NUDT5: variants seen among roughly 807,000 people sequenced by gnomAD.
NUDT5 encodes nudix hydrolase 5.
In NUDT5, 21 loss-of-function variants were observed where a neutral mutation model predicts 34.1. The ratio of observed to expected loss-of-function variants is 0.62; its 90% CI spans 0.44 to 0.89. NUDT5 has a LOEUF of 0.89. NUDT5 is among the 40% of genes least tolerant of loss of function. NUDT5 has a pLI of 0.00. For synonymous variants in NUDT5, 85 were observed against 97.6 expected (o/e 0.87, Z 0.76); for missense variants, 249 against 274.8 (o/e 0.91, Z 0.66).
At position 12,170,449 on chromosome 10, in the gene NUDT5, C is replaced by A; in HGVS notation, c.550+268G>T. 1 of 615,516 alleles carries A rather than the reference C, an allele frequency of 1.6e-6. No homozygotes were observed. Among genetic ancestry groups the A allele is most frequent in the Non-Finnish European group, 2.9e-6 (1 of 350,112 alleles). 38.1% of individuals were successfully genotyped at this position (615,516 alleles called of 1,614,324 possible). A position where few individuals can be genotyped will look rare whatever the true frequency, so the allele number is the denominator to read the frequency against. On this transcript the variant is annotated intron_variant, in intron 9 of 9. Transcript: ENST00000491614. The surrounding 1 kb of genome is among the most constrained non-coding windows in gnomAD (Gnocchi z 4.9). The stretch of plus-strand genomic sequence containing the variant: ...GTGTAGAATCGTTTTGGCTACTCAG[C>A]AGGAATGTCATCTGGGCCATTCTGT...
At chr10:12,180,782 A>G (rs929789962) in intron 3 of NUDT5, among the ~76,000 whole-genome samples, 2 of 151,514 alleles carry the variant, frequency 1.3e-5, no homozygotes, top group African/African-American at 4.9e-5. Flanking sequence ...TTTCTCCAAA[A>G]CCTCTTCTAG....
chr10:12,183,020 A>T (rs1010965661), intron 3 of NUDT5, among the ~76,000 whole-genome samples: 1 of 152,256 alleles, frequency 6.6e-6, no homozygotes, highest in Non-Finnish European at 1.5e-5. Flanking sequence ...TACAGGCGTG[A>T]GCCACTGCGC....
intron 4 of NUDT5, among the ~76,000 whole-genome samples, chr10:12,178,159 A>C (rs1007866691): frequency 2.6e-5 from 4 of 152,042 alleles, no homozygotes; most frequent in African/African-American, 9.7e-5. Context: ...AAAACGAAAC[A>C]TTTCCTACAG....
rs1834905404 is a variant in NUDT5 at position 12,173,959 on chromosome 10, C to A, written c.290-146G>T. ...TCGGCCCACTGCAACCTCCGCCCGT[C>A]CAGGTTTAAGCAATTCTCTGCTTCA... is the stretch of plus-strand genomic sequence containing the variant. On this transcript the variant is annotated intron_variant, in intron 5 of 9. Transcript: ENST00000491614. The surrounding 1 kb of genome is among the most constrained non-coding windows in gnomAD (Gnocchi z 4.7). 1.6e-6 allele frequency: 1 copy of A among 636,570 alleles called. No individual in the cohort carries two copies. The highest frequency in any genetic ancestry group is 1.8e-5 in the African/African-American group (1 of 54,868). The allele number at this position is 636,570 out of a possible 1,614,324, so 39.4% of individuals were successfully genotyped here.
Position 12,169,543 on chromosome 10 carries a change from C to T in NUDT5, c.550+1174G>A, listed in dbSNP as rs377344011. 2.1e-6 allele frequency: 1 copy of T among 476,684 alleles called. No homozygotes were observed. The highest frequency in any genetic ancestry group is 3.2e-5 in the South Asian group (1 of 30,804). 29.5% of individuals were successfully genotyped at this position (476,684 alleles called of 1,614,324 possible). A position where few individuals can be genotyped will look rare whatever the true frequency, so the allele number is the denominator to read the frequency against. On this transcript the variant is annotated intron_variant, in intron 9 of 9. Transcript: ENST00000491614. This position sits in a 1 kb window ranked among gnomAD's most constrained non-coding sequence, Gnocchi z 4.8. ...CGCTGCCTCGTATTGATTGTCATGC[C>T]TTTCTCCAAATACGCACCAGATAAA...
chr10:12,174,033 AT>A (rs1226477552), intron 5 of NUDT5, among the ~76,000 whole-genome samples: 1 of 151,808 alleles, frequency 6.6e-6, no homozygotes, highest in Non-Finnish European at 1.5e-5. Flanking sequence ...CGCCCAGCTA[AT>A]TTTTTGTATT....
At chr10:12,176,379 G>A (rs1834950306) in intron 5 of NUDT5, among the ~76,000 whole-genome samples, 1 of 151,950 alleles carries the variant, frequency 6.6e-6, no homozygotes, top group Non-Finnish European at 1.5e-5. Flanking sequence ...CAAGGTGGGT[G>A]GATCACCTGA....
chr10:12,181,091 C>T lies in NUDT5; in HGVS notation c.132-1959G>A, dbSNP rs1231914808. Among the ~76,000 whole-genome samples the T allele has an allele frequency of 1.3e-5, 2 of 152,166 alleles. No individual in the cohort carries two copies. Among genetic ancestry groups the T allele is most frequent in the Non-Finnish European group, 2.9e-5 (2 of 68,028 alleles). Reference sequence around the variant, plus strand: ...TGGGTTCTGCATTCATGGATTCAACCAACCACCCATTGAAAATATTTAGGA... The same window carrying T: ...TGGGTTCTGCATTCATGGATTCAACTAACCACCCATTGAAAATATTTAGGA... On this transcript the variant is annotated intron_variant, in intron 3 of 9. Transcript: ENST00000491614. This position sits in a 1 kb window ranked among gnomAD's most constrained non-coding sequence, Gnocchi z 5.0.
Position 12,182,133 on chromosome 10 carries a change from TAAA to T in NUDT5, c.131+2753_131+2755del, listed in dbSNP as rs60807905. On this transcript the variant is annotated intron_variant, in intron 3 of 9. Transcript: ENST00000491614. The surrounding 1 kb of genome is among the most constrained non-coding windows in gnomAD (Gnocchi z 4.3). ...AACAGAACAAGACTCTGTCTCAGGGTAAAAAAAAAAAAAAAGAAGGATATAGCT... is the reference window on the plus strand; with the variant it reads ...AACAGAACAAGACTCTGTCTCAGGGTAAAAAAAAAAAAGAAGGATATAGCT... Among the ~76,000 whole-genome samples the T allele has an allele frequency of 6.3e-5, 8 of 126,398 alleles. No homozygotes were observed. The highest frequency in any genetic ancestry group is 7.7e-5 in the Admixed American group (1 of 12,930). The allele number at this position is 126,398 out of a possible 152,430, so 82.9% of individuals were successfully genotyped here.
Position 12,170,828 on chromosome 10 carries a change from C to A in NUDT5, c.497-58G>T. The A allele has an allele frequency of 6.2e-7, 1 of 1,613,154 alleles. No homozygotes were observed. Among genetic ancestry groups the A allele is most frequent in the Non-Finnish European group, 8.5e-7 (1 of 1,179,132 alleles). Reference sequence around the variant, plus strand: ...TAACGTCAAGAGCCTACCAAAACAACCCAAAATGTCTGCAGCCATCACCAC... The same window carrying A: ...TAACGTCAAGAGCCTACCAAAACAAACCAAAATGTCTGCAGCCATCACCAC... On this transcript the variant is annotated intron_variant, in intron 8 of 9. Coordinates refer to ENST00000491614, the MANE Select transcript of NUDT5 (RefSeq NM_014142.4). The surrounding 1 kb of genome is among the most constrained non-coding windows in gnomAD (Gnocchi z 4.9).
chr10:12,191,788 G>C (rs945804147), intron 1 of NUDT5, among the ~76,000 whole-genome samples: 1 of 152,210 alleles, frequency 6.6e-6, no homozygotes. Context: ...GCCCTCTACA[G>C]AAAGGGAGGA....
At chr10:12,190,561 G>A (rs954708946) in intron 1 of NUDT5, among the ~76,000 whole-genome samples, 4 of 151,610 alleles carry the variant, frequency 2.6e-5, no homozygotes, top group Non-Finnish European at 5.9e-5. Flanking sequence ...TTTAAAGGAG[G>A]GACACACACA....
intron 3 of NUDT5, among the ~76,000 whole-genome samples, chr10:12,183,276 C>T (rs535409671): frequency 1.3e-5 from 2 of 152,328 alleles, no homozygotes; most frequent in East Asian, 3.8e-4. Context: ...ATCAAACTCA[C>T]TTGGCATCTT....
intron 4 of NUDT5, among the ~76,000 whole-genome samples, chr10:12,178,196 C>T (rs1020300637): frequency 6.6e-6 from 1 of 152,164 alleles, no homozygotes; most frequent in African/African-American, 2.4e-5. Flanking sequence ...TTTCTGACTA[C>T]ACTGACCTTC....
At chr10:12,176,100 G>GACCA (rs1834945569) in intron 5 of NUDT5, among the ~76,000 whole-genome samples, 1 of 151,718 alleles carries the variant, frequency 6.6e-6, no homozygotes, top group Non-Finnish European at 1.5e-5. Flanking sequence ...AGGAGGCTGA[G>GACCA]GCAGGAGAAT....
intron 3 of NUDT5, among the ~76,000 whole-genome samples, chr10:12,179,798 A>C (rs1057375062): frequency 6.6e-6 from 1 of 152,188 alleles, no homozygotes; most frequent in Non-Finnish European, 1.5e-5. Context: ...CTTTTGGGTA[A>C]CATCTGTGCT....
In NUDT5 at chr10:12,169,182, C is replaced by T; in HGVS notation, c.551-1371G>A. The T allele has an allele frequency of 1.1e-6, 1 of 910,110 alleles. No homozygotes were observed. The highest frequency in any genetic ancestry group is 1.7e-5 in the South Asian group (1 of 57,732). The allele number at this position is 910,110 out of a possible 1,614,324, so 56.4% of individuals were successfully genotyped here. A position where few individuals can be genotyped will look rare whatever the true frequency, so the allele number is the denominator to read the frequency against. On this transcript the variant is annotated intron_variant, in intron 9 of 9. Coordinates refer to ENST00000491614, the MANE Select transcript of NUDT5 (RefSeq NM_014142.4). The surrounding 1 kb of genome is among the most constrained non-coding windows in gnomAD (Gnocchi z 4.8). ...AAGCTAGGCAACTTGGTTCTTTTAC[C>T]CCTCCTCCTTTATAGCCATAGTAGC...
intron 9 of NUDT5, 172 bp from the exon 10 acceptor site, chr10:12,167,983 C>A: frequency 8.1e-7 from 1 of 1,227,570 alleles, no homozygotes; most frequent in Non-Finnish European, 1.1e-6. Context: ...ACTATAAAGG[C>A]AAGATTACAT....
Position 12,167,826 on chromosome 10 carries a change from G to C in NUDT5, c.551-15C>G, listed in dbSNP as rs373328654. 1 of 1,612,894 alleles carries C rather than the reference G, an allele frequency of 6.2e-7. No homozygotes were observed. Among genetic ancestry groups the C allele is most frequent in the African/African-American group, 1.3e-5 (1 of 74,878 alleles). ...AGCTACCAGAGCTGTGGAAAGCAAA[G>C]AAAACAACTTAGATCATGCCGTTAA... On this transcript the variant is annotated splice_polypyrimidine_tract_variant and intron_variant, in intron 9 of 9. Coordinates refer to ENST00000491614, the MANE Select transcript of NUDT5 (RefSeq NM_014142.4).
Sources: allele counts gnomAD v4.1 joint callset (sites outside exome capture counted in the v4.1 genomes callset), GRCh38; gene constraint gnomAD v4.1.1; non-coding constraint Gnocchi (gnomAD v3.1); transcripts MANE v1.5; gene names NCBI Gene and HGNC (gene_info 2026-07-23, HGNC 2026-07-21).